The following PDE4D variants were observed in gnomAD, a reference collection of about 807,000 sequenced individuals.
The protein encoded by PDE4D is 3',5'-cyclic-AMP phosphodiesterase 4D.
A neutral mutation model predicts 87.4 loss-of-function variants in PDE4D; 24 were observed. The observed-to-expected ratio is 0.27, with a 90% confidence interval of 0.20 to 0.39. The LOEUF (loss-of-function observed/expected upper bound fraction) is 0.39. PDE4D is among the 10% of genes least tolerant of loss of function. The probability of loss-of-function intolerance (pLI) is 1.00; values close to 1 mark genes in which losing one functional copy is unlikely to be tolerated. For synonymous variants in PDE4D, 384 were observed against 383.2 expected (o/e 1.00, Z -0.02); for missense variants, 714 against 1,041.0 (o/e 0.69, Z 4.32).
At position 59,677,088 on chromosome 5, in the gene PDE4D, T is replaced by C. The variant is rs575748116; in HGVS notation, c.455+216080A>G. On this transcript the variant is annotated intron_variant, in intron 1 of 14. Coordinates refer to ENST00000340635, the MANE Select transcript of PDE4D (RefSeq NM_001104631.2). Reference sequence around the variant, plus strand: ...GAGAAAAAACAGCCCTATCTCCAAATACTCCAATCTTGTGAATTGAAAAAA... The same window carrying C: ...GAGAAAAAACAGCCCTATCTCCAAACACTCCAATCTTGTGAATTGAAAAAA... Among the ~76,000 whole-genome samples the C allele has an allele frequency of 5.9e-5, 9 of 151,956 alleles. No individual in the cohort carries two copies. The East Asian group carries it at 1.7e-3, about 29-fold the overall frequency.
At chr5:59,275,437 A>G (rs1443981321) in intron 1 of PDE4D, 5 of 1,593,204 alleles carry the variant, frequency 3.1e-6, no homozygotes, top group Non-Finnish European at 4.2e-6. Flanking sequence ...TAAGTCTTCA[A>G]CTATTCTGAT....
chr5:59,885,818 G>A (rs911329212), intron 1 of PDE4D, among the ~76,000 whole-genome samples: 7 of 151,466 alleles, frequency 4.6e-5, no homozygotes, highest in African/African-American at 1.7e-4. Context: ...TCAAATTATA[G>A]GCTGCTTCTC....
chr5:60,116,368 C>T (rs1478119572), intron 2 of PDE4D, among the ~76,000 whole-genome samples: 1 of 151,994 alleles, frequency 6.6e-6, no homozygotes, highest in Non-Finnish European at 1.5e-5. Context: ...TCTGAGCTTC[C>T]AAAGATGTTA....
intron 1 of PDE4D, among the ~76,000 whole-genome samples, chr5:59,759,440 T>A (rs763931221): frequency 5.1e-4 from 77 of 152,218 alleles, no homozygotes; most frequent in Non-Finnish European, 9.3e-4. Context: ...TCAATGGTCA[T>A]GGGAAGCACA....
chr5:59,745,435 A>C (rs1468760593), intron 1 of PDE4D, among the ~76,000 whole-genome samples: 1 of 152,154 alleles, frequency 6.6e-6, no homozygotes, highest in African/African-American at 2.4e-5. Flanking sequence ...AGCTTTTTCC[A>C]GTAAAGAACT....
intron 5 of PDE4D, among the ~76,000 whole-genome samples, chr5:59,079,125 T>C (rs1766219242): frequency 1.3e-5 from 2 of 152,154 alleles, no homozygotes; most frequent in African/African-American, 4.8e-5. Context: ...CAAAATGGAT[T>C]AAGGCAGATA....
chr5:60,432,874 C>A (rs1274984408), intron 1 of PDE4D, among the ~76,000 whole-genome samples: 1 of 152,178 alleles, frequency 6.6e-6, no homozygotes, highest in Non-Finnish European at 1.5e-5. Flanking sequence ...ACTGGCTAAT[C>A]ATATGCCAAA....
chr5:60,252,518 C>T (rs1217151530), intron 1 of PDE4D, among the ~76,000 whole-genome samples: 1 of 150,820 alleles, frequency 6.6e-6, no homozygotes, highest in Admixed American at 6.6e-5. Context: ...CTTTCAAATG[C>T]ATGATAAACT....
chr5:59,570,420 C>A (rs1821634298), intron 1 of PDE4D, among the ~76,000 whole-genome samples: 1 of 151,968 alleles, frequency 6.6e-6, no homozygotes, highest in African/African-American at 2.4e-5. Context: ...CCAAAGAATA[C>A]AGTTTTCTAA....
chr5:59,940,147 G>A (rs1757027556), intron 3 of PDE4D, among the ~76,000 whole-genome samples: 2 of 152,164 alleles, frequency 1.3e-5, no homozygotes, highest in South Asian at 4.1e-4. Context: ...TGAGGAGGCT[G>A]TGCTTTATCA....
chr5:59,585,485 A>C (rs1046900429), intron 1 of PDE4D, among the ~76,000 whole-genome samples: 1 of 152,212 alleles, frequency 6.6e-6, no homozygotes, highest in Non-Finnish European at 1.5e-5. Flanking sequence ...GCAGACACTA[A>C]GCCTTAACAT....
chr5:58,995,497 CA>C (rs1306564443), intron 6 of PDE4D, among the ~76,000 whole-genome samples: 4 of 152,118 alleles, frequency 2.6e-5, no homozygotes, highest in African/African-American at 9.7e-5. Flanking sequence ...TCCCTCTTTA[CA>C]AAGTTATATT....
chr5:59,796,851 T>C (rs1766540551), intron 1 of PDE4D, among the ~76,000 whole-genome samples: 1 of 152,260 alleles, frequency 6.6e-6, no homozygotes, highest in African/African-American at 2.4e-5. Flanking sequence ...AGCTATCTAG[T>C]TATGCTCAAA....
intron 1 of PDE4D, among the ~76,000 whole-genome samples, chr5:60,217,660 A>AT (rs536754453): frequency 2.9e-3 from 437 of 152,040 alleles, no homozygotes; most frequent in African/African-American, 0.01. Context: ...TGTTAATTTG[A>AT]TTTTTTTACA....
intron 1 of PDE4D, among the ~76,000 whole-genome samples, chr5:59,576,563 A>G (rs915252276): frequency 6.6e-5 from 10 of 152,174 alleles, no homozygotes; most frequent in Admixed American, 6.5e-4. Flanking sequence ...AAAAGTACCT[A>G]TTAAGTACAA....
intron 2 of PDE4D, among the ~76,000 whole-genome samples, chr5:60,049,233 T>G (rs1769756622): frequency 1.3e-5 from 2 of 152,248 alleles, no homozygotes; most frequent in African/African-American, 4.8e-5. Context: ...CTTTAAGCAC[T>G]TCTCTGTATT....
intron 1 of PDE4D, among the ~76,000 whole-genome samples, chr5:59,603,553 T>C (rs1362623160): frequency 1.3e-5 from 2 of 152,014 alleles, no homozygotes; most frequent in Admixed American, 1.3e-4. Flanking sequence ...GATGGGAATG[T>C]AAATTAGTAC....
chr5:60,257,986 T>A (rs971656425), intron 1 of PDE4D, among the ~76,000 whole-genome samples: 5 of 151,906 alleles, frequency 3.3e-5, no homozygotes, highest in African/African-American at 7.2e-5. Context: ...ACCAGCAATT[T>A]CTGGACCTAT....
intron 1 of PDE4D, among the ~76,000 whole-genome samples, chr5:60,251,391 G>T (rs1748436303): frequency 6.6e-6 from 1 of 151,824 alleles, no homozygotes; most frequent in African/African-American, 2.4e-5. Context: ...CCCAGTGTTT[G>T]TTGTTCTCCT....
Sources: allele counts gnomAD v4.1 joint callset (sites outside exome capture counted in the v4.1 genomes callset), GRCh38; gene constraint gnomAD v4.1.1; transcripts MANE v1.5; gene names NCBI Gene and HGNC (gene_info 2026-07-23, HGNC 2026-07-21).